The following SYNPR variants were observed in gnomAD, a reference collection of about 807,000 sequenced individuals.
The protein encoded by SYNPR is synaptoporin.
SYNPR carries 23 observed loss-of-function variants against 32.9 expected under a neutral mutation model. The ratio of observed to expected loss-of-function variants is 0.70; its 90% CI spans 0.50 to 0.99. The LOEUF (loss-of-function observed/expected upper bound fraction) is 0.99. Among genes scored for constraint, SYNPR ranks in the 50% least tolerant of loss-of-function variants. The pLI, the probability that SYNPR is intolerant of heterozygous loss-of-function variation, is 0.00. For missense variants in SYNPR, 318 were observed against 349.3 expected, an observed-to-expected ratio of 0.91 and a Z score of 0.71; for synonymous variants, 146 against 135.9, an observed-to-expected ratio of 1.07 and a Z score of -0.52.
chr3:63,263,947 C>T (rs77511680), intron 2 of SYNPR, among the ~76,000 whole-genome samples: 2,003 of 152,240 alleles, frequency 0.013, 41 homozygotes, highest in African/African-American at 0.046. Flanking sequence ...ACTGCCACAT[C>T]TTTGAACAAT....
chr3:63,202,825 G>A, the SYNPR span, among the ~76,000 whole-genome samples: 1 of 151,796 alleles, frequency 6.6e-6, no homozygotes, highest in African/African-American at 2.4e-5. Context: ...AAGGGACTTA[G>A]AACTTCCAAA....
At chr3:63,471,814 G>A (rs903297877) in intron 2 of SYNPR, among the ~76,000 whole-genome samples, 1 of 152,206 alleles carries the variant, frequency 6.6e-6, no homozygotes, top group African/African-American at 2.4e-5. Flanking sequence ...AAAGCAGGGA[G>A]GAGGGGGAGG....
At chr3:63,478,182 T>C (rs1314554048) in intron 2 of SYNPR, among the ~76,000 whole-genome samples, 2 of 152,220 alleles carry the variant, frequency 1.3e-5, no homozygotes, top group Non-Finnish European at 2.9e-5. Context: ...GTATCTAACA[T>C]TTTGAACTAG....
intron 3 of SYNPR, among the ~76,000 whole-genome samples, chr3:63,491,265 AG>A (rs1180086742): frequency 1.8e-4 from 28 of 152,316 alleles, no homozygotes; most frequent in African/African-American, 6.7e-4. Flanking sequence ...GGGTCCATTC[AG>A]GAAACAAGAG....
At chr3:63,512,467 C>T (rs1328173963) in intron 3 of SYNPR, among the ~76,000 whole-genome samples, 3 of 152,170 alleles carry the variant, frequency 2.0e-5, no homozygotes, top group African/African-American at 7.2e-5. Context: ...GGCTGTTAAT[C>T]AGCTGACCAT....
chr3:63,438,117 G>GAGAT (rs1700116157), intron 2 of SYNPR, among the ~76,000 whole-genome samples: 2 of 152,226 alleles, frequency 1.3e-5, no homozygotes, highest in South Asian at 4.1e-4. Flanking sequence ...TGAGGATACA[G>GAGAT]AGATAGTAAG....
intron 2 of SYNPR, among the ~76,000 whole-genome samples, chr3:63,340,396 C>T (rs2087350153): frequency 1.3e-5 from 2 of 149,530 alleles, no homozygotes; most frequent in Admixed American, 1.3e-4. Flanking sequence ...CACCTAGATT[C>T]TACCATTAAT....
At chr3:63,591,991 G>T (rs1260137704) in intron 4 of SYNPR, among the ~76,000 whole-genome samples, 1 of 152,002 alleles carries the variant, frequency 6.6e-6, no homozygotes, top group African/African-American at 2.4e-5. Context: ...TGAAACAGGG[G>T]TCTTTGCAGA....
the SYNPR span, among the ~76,000 whole-genome samples, chr3:63,208,424 C>A: frequency 6.6e-6 from 1 of 152,212 alleles, no homozygotes; most frequent in Admixed American, 6.6e-5. Context: ...ATTTCTCACT[C>A]TGGGGCACAT....
At chr3:63,537,390 C>T (rs1242677927) in intron 3 of SYNPR, among the ~76,000 whole-genome samples, 1 of 152,000 alleles carries the variant, frequency 6.6e-6, no homozygotes, top group Non-Finnish European at 1.5e-5. Flanking sequence ...TCTCTGAATC[C>T]TTAGTTCAAC....
chr3:63,291,925 T>G (rs918640383), intron 2 of SYNPR, among the ~76,000 whole-genome samples: 1 of 152,126 alleles, frequency 6.6e-6, no homozygotes, highest in Non-Finnish European at 1.5e-5. Flanking sequence ...GGTGATTTCA[T>G]CATCGTGCAT....
chr3:63,493,815 CAAAAAAAAAAAAA>C (rs3083190), intron 3 of SYNPR, among the ~76,000 whole-genome samples: 1 of 75,094 alleles, frequency 1.3e-5, no homozygotes, highest in South Asian at 6.2e-4. Flanking sequence ...GACTCTGTCT[CAAAAAAAAAAAAA>C]AAAAAAAAAT....
rs148398533 is a variant in SYNPR at position 63,534,912 on chromosome 3, C to T, written c.210-21631C>T. On this transcript the variant is annotated intron_variant, in intron 3 of 5. Coordinates refer to ENST00000478300, the MANE Select transcript of SYNPR (RefSeq NM_001130003.2). ...GTAATCTATTCATAAGGAATCCACC[C>T]CCATAACCCCAGCACCTTCCACCAG... Among the ~76,000 whole-genome samples, 426 of 152,222 alleles carry T rather than the reference C, an allele frequency of 2.8e-3. 1 individual carries two copies. The highest frequency in any genetic ancestry group is 9.5e-3 in the African/African-American group (394 of 41,536).
Position 63,493,451 on chromosome 3 carries a change from C to A in SYNPR, c.209+12495C>A, listed in dbSNP as rs902850376. On this transcript the variant is annotated intron_variant, in intron 3 of 5. Coordinates refer to ENST00000478300, the MANE Select transcript of SYNPR (RefSeq NM_001130003.2). ...TCAGAGACCCTGGATGTGATCAGAA[C>A]TTTAGACTCTCTCAATGATAGGTTG... is the stretch of plus-strand genomic sequence containing the variant. Among the ~76,000 whole-genome samples, 3 of 152,034 alleles carry A rather than the reference C, an allele frequency of 2.0e-5. No homozygotes were observed. In the East Asian group the frequency reaches 5.8e-4, roughly 29 times the overall value.
intron 2 of SYNPR, among the ~76,000 whole-genome samples, chr3:63,442,223 T>A (rs1370535580): frequency 7.1e-6 from 1 of 141,352 alleles, no homozygotes; most frequent in East Asian, 2.0e-4. Flanking sequence ...GAGACAGAGA[T>A]ACAAAGAGAC....
At chr3:63,511,594 G>T (rs1470983461) in intron 3 of SYNPR, among the ~76,000 whole-genome samples, 1 of 152,160 alleles carries the variant, frequency 6.6e-6, no homozygotes, top group Non-Finnish European at 1.5e-5. Context: ...ACCTGGACCG[G>T]AAGATATCAG....
At chr3:63,550,197 T>G (rs1051413879) in intron 3 of SYNPR, 1 of 151,500 alleles carries the variant, frequency 6.6e-6, no homozygotes, top group African/African-American at 2.4e-5. Flanking sequence ...TTTATACATA[T>G]ATATAATTGT....
intron 2 of SYNPR, among the ~76,000 whole-genome samples, chr3:63,314,131 A>G (rs58401802): frequency 0.18 from 10,714 of 59,848 alleles, 2,493 homozygotes; most frequent in Middle Eastern, 0.22. Context: ...TGATTGATGG[A>G]CATTTGGGTT....
rs575821498 is a variant in SYNPR at position 63,476,744 on chromosome 3, A to AC, written c.85-4081dup. Among the ~76,000 whole-genome samples, 173 of 151,648 alleles carry AC rather than the reference A, an allele frequency of 1.1e-3. 1 individual carries two copies. Among genetic ancestry groups the AC allele is most frequent in the African/African-American group, 3.5e-3 (146 of 41,322 alleles). On this transcript the variant is annotated intron_variant, in intron 2 of 5. Transcript: ENST00000478300. ...TTCCAGGTGTTAGCTTAAATGTAAC[A>AC]CCCCCCCAGGTATAACCTCCTGTCC...
Sources: gnomAD v4.1 joint callset for allele counts (sites outside exome capture counted in the v4.1 genomes callset) on GRCh38, gnomAD v4.1.1 for gene constraint, MANE v1.5 for transcripts, NCBI Gene and HGNC (gene_info 2026-07-23, HGNC 2026-07-21) for gene names.